The following GALNT13 variants were observed in gnomAD, a reference collection of about 807,000 sequenced individuals.
GALNT13 encodes polypeptide N-acetylgalactosaminyltransferase 13.
In GALNT13, 28 loss-of-function variants were observed where a neutral mutation model predicts 64.2. That is an observed-to-expected ratio of 0.44 (90% confidence interval 0.32 to 0.60). The LOEUF (loss-of-function observed/expected upper bound fraction) is 0.60, where lower values mean the gene tolerates loss of function less well. GALNT13 is among the 20% of genes least tolerant of loss of function. GALNT13 has a pLI of 0.05. For missense variants in GALNT13, 577 were observed against 669.8 expected, an observed-to-expected ratio of 0.86 and a Z score of 1.53; for synonymous variants, 214 against 224.6, an observed-to-expected ratio of 0.95 and a Z score of 0.42.
intron 4 of GALNT13, among the ~76,000 whole-genome samples, chr2:154,235,005 G>A (rs1232952757): frequency 6.6e-6 from 1 of 152,154 alleles, no homozygotes; most frequent in Non-Finnish European, 1.5e-5. Flanking sequence ...GAAAAGTAGA[G>A]AAATTCCTTG....
chr2:153,430,244 T>A, the GALNT13 span, among the ~76,000 whole-genome samples: 101 of 152,216 alleles, frequency 6.6e-4, no homozygotes, highest in Non-Finnish European at 1.1e-3. Context: ...GAGGCATAAT[T>A]TTCAAAATAA....
At chr2:154,126,066 G>C (rs905958725) in intron 3 of GALNT13, among the ~76,000 whole-genome samples, 1 of 152,134 alleles carries the variant, frequency 6.6e-6, no homozygotes, top group Non-Finnish European at 1.5e-5. Flanking sequence ...CTACTATCAT[G>C]TGGTTCTGTT....
At chr2:154,130,083 C>G (rs1433927391) in intron 3 of GALNT13, among the ~76,000 whole-genome samples, 1 of 152,118 alleles carries the variant, frequency 6.6e-6, no homozygotes, top group Non-Finnish European at 1.5e-5. Flanking sequence ...CAGTTGCTAG[C>G]ATATCGGTGA....
At chr2:153,581,310 G>T in the GALNT13 span, among the ~76,000 whole-genome samples, 1 of 152,078 alleles carries the variant, frequency 6.6e-6, no homozygotes, top group Non-Finnish European at 1.5e-5. Context: ...CGAGCACACA[G>T]CTGCTTCTAG....
the GALNT13 span, among the ~76,000 whole-genome samples, chr2:153,848,022 C>T: frequency 6.6e-6 from 1 of 152,040 alleles, no homozygotes; most frequent in African/African-American, 2.4e-5. Context: ...GGTCTGTTCC[C>T]GGGAGATGGA....
intron 11 of GALNT13, among the ~76,000 whole-genome samples, chr2:154,409,955 G>A (rs183321048): frequency 1.2e-4 from 18 of 151,866 alleles, no homozygotes; most frequent in East Asian, 5.8e-4. Flanking sequence ...GAGTTTTGGC[G>A]CACCATACTT....
intron 9 of GALNT13, among the ~76,000 whole-genome samples, chr2:154,329,257 C>G (rs1695040146): frequency 1.3e-5 from 2 of 152,118 alleles, no homozygotes; most frequent in African/African-American, 4.8e-5. Context: ...AGGTGCTTGC[C>G]ACAATGCCAG....
At chr2:154,001,915 G>A (rs534334443) in intron 3 of GALNT13, among the ~76,000 whole-genome samples, 3 of 151,984 alleles carry the variant, frequency 2.0e-5, no homozygotes, top group Non-Finnish European at 2.9e-5. Flanking sequence ...TTGAAGGATA[G>A]CTTTTCTGGG....
chr2:154,162,092 T>C (rs1259823550), intron 4 of GALNT13, among the ~76,000 whole-genome samples: 1 of 152,228 alleles, frequency 6.6e-6, no homozygotes, highest in Non-Finnish European at 1.5e-5. Flanking sequence ...AAGTGTATTT[T>C]TTTCTTTTGA....
the GALNT13 span, among the ~76,000 whole-genome samples, chr2:153,523,155 A>G: frequency 6.0e-5 from 9 of 150,140 alleles, no homozygotes; most frequent in African/African-American, 2.2e-4. Context: ...TCAAAGATCA[A>G]TTGACTATAC....
At chr2:153,367,158 A>G in the GALNT13 span, among the ~76,000 whole-genome samples, 1 of 152,180 alleles carries the variant, frequency 6.6e-6, no homozygotes, top group Admixed American at 6.6e-5. Flanking sequence ...GTGAAAATAA[A>G]ATAAAATTAG....
At chr2:153,603,379 G>A in the GALNT13 span, among the ~76,000 whole-genome samples, 1 of 151,858 alleles carries the variant, frequency 6.6e-6, no homozygotes, top group Non-Finnish European at 1.5e-5. Context: ...CCATATGCAA[G>A]CAGACTATAT....
chr2:153,161,729 AGAGAAG>A, the GALNT13 span, among the ~76,000 whole-genome samples: 1 of 152,144 alleles, frequency 6.6e-6, no homozygotes, highest in Non-Finnish European at 1.5e-5. Context: ...GAAGGAGGTT[AGAGAAG>A]GACTGGGCTC....
chr2:153,550,386 C>T, the GALNT13 span, among the ~76,000 whole-genome samples: 14 of 151,834 alleles, frequency 9.2e-5, no homozygotes, highest in Non-Finnish European at 1.6e-4. Context: ...AGATGTGCAC[C>T]GCCACACTCA....
At chr2:153,554,954 A>G in the GALNT13 span, among the ~76,000 whole-genome samples, 1 of 152,192 alleles carries the variant, frequency 6.6e-6, no homozygotes, top group Non-Finnish European at 1.5e-5. Flanking sequence ...TAGAGCAGGT[A>G]GATAGAGATT....
At chr2:153,271,645 T>C in the GALNT13 span, among the ~76,000 whole-genome samples, 1 of 152,202 alleles carries the variant, frequency 6.6e-6, no homozygotes, top group Non-Finnish European at 1.5e-5. Flanking sequence ...AAACATTCTA[T>C]GCTCATGGAT....
intron 2 of GALNT13, among the ~76,000 whole-genome samples, chr2:153,919,867 G>A (rs544167049): frequency 3.3e-5 from 5 of 150,908 alleles, no homozygotes; most frequent in South Asian, 4.2e-4. Flanking sequence ...TTATAAACAC[G>A]GGAACAACTG....
At chr2:153,726,889 G>C in the GALNT13 span, among the ~76,000 whole-genome samples, 1 of 135,218 alleles carries the variant, frequency 7.4e-6, no homozygotes, top group East Asian at 2.3e-4. Context: ...GCAGTGAGCC[G>C]AAATTGTGCC....
intron 4 of GALNT13, among the ~76,000 whole-genome samples, chr2:154,222,093 A>G (rs1255335825): frequency 3.9e-5 from 6 of 151,992 alleles, no homozygotes; most frequent in Admixed American, 6.6e-5. Context: ...TTTTCTCACC[A>G]TTTATTCTTT....
Sources: allele counts gnomAD v4.1 joint callset (sites outside exome capture counted in the v4.1 genomes callset), GRCh38; gene constraint gnomAD v4.1.1; transcripts MANE v1.5; gene names NCBI Gene and HGNC (gene_info 2026-07-23, HGNC 2026-07-21).